The following GALNT9 variants were observed in gnomAD, a reference collection of about 807,000 sequenced individuals.
The protein encoded by GALNT9 is GalNAc transferase 9.
Under a neutral mutation model 63.1 loss-of-function variants are expected in GALNT9, and 47 were observed. The ratio of observed to expected loss-of-function variants is 0.75; its 90% CI spans 0.59 to 0.95. The LOEUF (loss-of-function observed/expected upper bound fraction) is 0.95, where lower values mean the gene tolerates loss of function less well. GALNT9 is among the 40% of genes least tolerant of loss of function. The pLI, the probability that GALNT9 is intolerant of heterozygous loss-of-function variation, is 0.00. For synonymous variants in GALNT9, 396 were observed against 365.7 expected, an observed-to-expected ratio of 1.08 and a Z score of -0.94; for missense variants, 829 against 874.8, an observed-to-expected ratio of 0.95 and a Z score of 0.66.
At chr12:132,318,272 G>A (rs1190837976) in intron 1 of GALNT9, among the ~76,000 whole-genome samples, 8 of 152,350 alleles carry the variant, frequency 5.3e-5, no homozygotes, top group East Asian at 3.9e-4. Context: ...AAGCGTGGGC[G>A]GCAGGACGCT....
chr12:132,311,273 A>G (rs1287824466), intron 1 of GALNT9, among the ~76,000 whole-genome samples: 1 of 152,182 alleles, frequency 6.6e-6, no homozygotes, highest in Non-Finnish European at 1.5e-5. Context: ...GAGGTGCCAA[A>G]TAGAAAACTC....
chr12:132,322,520 T>C (rs1351270759), intron 1 of GALNT9, among the ~76,000 whole-genome samples: 1 of 152,224 alleles, frequency 6.6e-6, no homozygotes, highest in Non-Finnish European at 1.5e-5. Flanking sequence ...GTGACTCAGT[T>C]GCCCCACAGA....
In GALNT9 at chr12:132,292,796, G is replaced by A. The variant is rs150179751; in HGVS notation, c.239-6366C>T. Among the ~76,000 whole-genome samples, 39 of 152,306 alleles carry A rather than the reference G, an allele frequency of 2.6e-4. No homozygotes were observed. In the Middle Eastern group the frequency reaches 0.02, roughly 80 times the overall value. On this transcript the variant is annotated intron_variant, in intron 1 of 10. Transcript: ENST00000328957. ...AGGGAAGGAGGGTGGGGAGAGGGTG[G>A]AGTCGGTGAGACGGGAAGTCTGGAC...
chr12:132,304,451 G>A (rs138405327), intron 1 of GALNT9, among the ~76,000 whole-genome samples: 1,893 of 15,360 alleles, frequency 0.12, 125 homozygotes, highest in East Asian at 0.23. Context: ...GCACACCCTC[G>A]CCCGGGCACA....
chr12:132,215,909 C>T (rs1056177124), intron 6 of GALNT9, among the ~76,000 whole-genome samples: 14 of 152,076 alleles, frequency 9.2e-5, no homozygotes, highest in Non-Finnish European at 1.5e-4. Context: ...GCTTCTGGGC[C>T]AGGCCTGAGG....
rs180830262 is a variant in GALNT9, at chr12:132,285,846, A to G, written c.419+404T>C. Among the ~76,000 whole-genome samples, 877 of 152,216 alleles carry G rather than the reference A, an allele frequency of 5.8e-3. 11 individuals are homozygous for G. Among genetic ancestry groups the G allele is most frequent in the African/African-American group, 0.02 (821 of 41,516 alleles). On this transcript the variant is annotated intron_variant, in intron 2 of 10. Transcript: ENST00000328957. ...GAGAGACACAGAGAGATAGAGAAAG[A>G]CAGAGAGAGATACAGAGAGATTGAG...
chr12:132,255,102 C>T (rs1419493741), intron 5 of GALNT9, among the ~76,000 whole-genome samples: 4 of 152,152 alleles, frequency 2.6e-5, no homozygotes, highest in East Asian at 1.9e-4. Context: ...TGAATGGAGC[C>T]GCTTCTCAAC....
intron 6 of GALNT9, among the ~76,000 whole-genome samples, chr12:132,213,000 T>C (rs1266455953): frequency 1.5e-4 from 19 of 129,814 alleles, no homozygotes; most frequent in Non-Finnish European, 2.9e-4. Context: ...CTTGAGACCG[T>C]GACACGGAAA....
rs2136906209 is a variant in GALNT9, at chr12:132,244,086, C to T, written c.1077+3824G>A. Among the ~76,000 whole-genome samples the T allele has an allele frequency of 2.7e-5, 4 of 149,242 alleles. No individual in the cohort carries two copies. In the East Asian group the frequency reaches 6.1e-4, roughly 23 times the overall value. ...TCTCGACACCGGCAGAGTGAGGCCT[C>T]GGGCCGGCCACTCGGACCACGGTGC... is the stretch of plus-strand genomic sequence containing the variant. On this transcript the variant is annotated intron_variant, in intron 6 of 10. Coordinates refer to ENST00000328957, the MANE Select transcript of GALNT9 (RefSeq NM_001122636.2).
At chr12:132,226,870 C>A (rs1244987630) in intron 6 of GALNT9, among the ~76,000 whole-genome samples, 6 of 150,254 alleles carry the variant, frequency 4.0e-5, no homozygotes, top group African/African-American at 1.5e-4. Context: ...TGTACATACA[C>A]ACCCCACACA....
intron 6 of GALNT9, among the ~76,000 whole-genome samples, chr12:132,239,325 G>C (rs1333793464): frequency 2.9e-5 from 3 of 104,860 alleles, no homozygotes; most frequent in African/African-American, 4.0e-5. Context: ...GAGACTGAGA[G>C]AGAGAGACAG....
In GALNT9 at chr12:132,282,425, G is replaced by T. The variant is rs1253956616; in HGVS notation, c.419+3825C>A. On this transcript the variant is annotated intron_variant, in intron 2 of 10. Transcript: ENST00000328957. This position sits in a 1 kb window ranked among gnomAD's most constrained non-coding sequence, Gnocchi z 4.5. ...TGCGCGTGTGTGCGTGTGTGTGCGT[G>T]TGTGCGTGCATGCGTGTGTGTGCGT... Among the ~76,000 whole-genome samples, 1 of 151,744 alleles carries T rather than the reference G, an allele frequency of 6.6e-6. No homozygotes were observed. Among genetic ancestry groups the T allele is most frequent in the Non-Finnish European group, 1.5e-5 (1 of 67,928 alleles).
intron 2 of GALNT9, among the ~76,000 whole-genome samples, chr12:132,271,856 G>A (rs934783743): frequency 2.0e-5 from 3 of 152,204 alleles, no homozygotes; most frequent in Admixed American, 6.5e-5. Context: ...CCCGTCCCCC[G>A]TGCGCCCTTC....
chr12:132,264,670 CCT>C (rs1879532849), intron 2 of GALNT9, among the ~76,000 whole-genome samples: 2 of 152,236 alleles, frequency 1.3e-5, no homozygotes, highest in Non-Finnish European at 2.9e-5. Context: ...GAAAAGCATC[CCT>C]GTGTCTGCTG....
chr12:132,248,580 C>T (rs535361632), intron 5 of GALNT9, among the ~76,000 whole-genome samples: 2 of 152,334 alleles, frequency 1.3e-5, no homozygotes, highest in South Asian at 4.1e-4. Flanking sequence ...CATGCTTCAT[C>T]CTAACTGTGT....
In GALNT9 at chr12:132,238,148, C is replaced by T. The variant is rs2136895831; in HGVS notation, c.1077+9762G>A. ...GGACATAGTCATGACCTTACAGCAACGAGCCTGGCTGATGCTTCCAAGGCT... is the reference window on the plus strand; with the variant it reads ...GGACATAGTCATGACCTTACAGCAATGAGCCTGGCTGATGCTTCCAAGGCT... On this transcript the variant is annotated intron_variant, in intron 6 of 10. Coordinates refer to ENST00000328957, the MANE Select transcript of GALNT9 (RefSeq NM_001122636.2). This position sits in a 1 kb window ranked among gnomAD's most constrained non-coding sequence, Gnocchi z 6.5. Among the ~76,000 whole-genome samples the T allele has an allele frequency of 3.9e-5, 6 of 152,228 alleles. No homozygotes were observed. Among genetic ancestry groups the T allele is most frequent in the African/African-American group, 1.2e-4 (5 of 41,450 alleles).
intron 6 of GALNT9, chr12:132,240,631 T>C (rs1555236872): frequency 6.7e-6 from 3 of 451,064 alleles, no homozygotes; most frequent in East Asian, 1.5e-4. Context: ...CTGTGCTCTA[T>C]GGGCCTCGGA....
chr12:132,267,800 C>CAGACGCACTCACACACAT (rs138324682), intron 2 of GALNT9, among the ~76,000 whole-genome samples: 111 of 140,076 alleles, frequency 7.9e-4, no homozygotes, highest in African/African-American at 2.9e-3. Flanking sequence ...CGCACTCACA[C>CAGACGCACTCACACACAT]GCACTCACAC....
chr12:132,245,001 G>T lies in GALNT9; in HGVS notation c.1077+2909C>A, dbSNP rs1375122073. 6.6e-6 allele frequency among the ~76,000 whole-genome samples: 1 copy of T among 151,824 alleles called. No individual in the cohort carries two copies. The highest frequency in any genetic ancestry group is 1.5e-5 in the Non-Finnish European group (1 of 67,928). On this transcript the variant is annotated intron_variant, in intron 6 of 10. Transcript: ENST00000328957. The surrounding 1 kb of genome is among the most constrained non-coding windows in gnomAD (Gnocchi z 6.3). ...GAGGTCAGGGGGAGAGGTCGGGGGA[G>T]AGGTGGCAGGGAGGGCAGGGAGGTC...
Sources: allele counts gnomAD v4.1 joint callset (sites outside exome capture counted in the v4.1 genomes callset), GRCh38; gene constraint gnomAD v4.1.1; non-coding constraint Gnocchi (gnomAD v3.1); transcripts MANE v1.5; gene names NCBI Gene and HGNC (gene_info 2026-07-23, HGNC 2026-07-21).